CEP85L: variants seen among roughly 807,000 people sequenced by gnomAD.
CEP85L encodes the protein centrosomal protein of 85 kDa-like.
CEP85L carries 60 observed loss-of-function variants against 100.3 expected under a neutral mutation model. That is an observed-to-expected ratio of 0.60 (90% confidence interval 0.49 to 0.74). CEP85L has a LOEUF of 0.74. Ranked by LOEUF, CEP85L falls within the 30% of genes least tolerant of loss-of-function variation. The pLI, the probability that CEP85L is intolerant of heterozygous loss-of-function variation, is 0.00. For synonymous variants in CEP85L, 319 were observed against 322.7 expected, an observed-to-expected ratio of 0.99 and a Z score of 0.12; for missense variants, 973 against 936.2, an observed-to-expected ratio of 1.04 and a Z score of -0.51.
At chr6:118,491,529 A>C (rs1211463652) in intron 6 of CEP85L, 157 bp downstream of exon 6, 1 of 1,375,632 alleles carries the variant, frequency 7.3e-7, no homozygotes, top group African/African-American at 1.5e-5. Flanking sequence ...ATTTCTGCAG[A>C]CAGCAGAGGG....
At chr6:118,514,965 C>T (rs1036972836) in intron 4 of CEP85L, among the ~76,000 whole-genome samples, 4 of 151,542 alleles carry the variant, frequency 2.6e-5, no homozygotes, top group African/African-American at 7.3e-5. Flanking sequence ...CCACTGTGCC[C>T]GGCTAAGTTT....
rs1262868732 is a variant in CEP85L at position 118,464,699 on chromosome 6, A to ACACATTG, written c.*705_*706insCAATGTG. 9.2e-5 allele frequency: 14 copies of ACACATTG among 152,144 alleles called. No individual in the cohort carries two copies. The highest frequency in any genetic ancestry group is 3.1e-4 in the African/African-American group (13 of 41,458). 9.4% of individuals were successfully genotyped at this position (152,144 alleles called of 1,614,324 possible). On this transcript the variant is annotated 3_prime_UTR_variant, in exon 13 of 13. Coordinates refer to ENST00000368491, the MANE Select transcript of CEP85L (RefSeq NM_001042475.3). ...CTTGTAACACATACATTACAATGCT[A>ACACATTG]AGGAAAAAGAGCATCACGTCAAAAT...
chr6:118,591,842 T>A (rs1254835398), intron 2 of CEP85L, among the ~76,000 whole-genome samples: 1 of 152,240 alleles, frequency 6.6e-6, no homozygotes, highest in Non-Finnish European at 1.5e-5. Context: ...GTAACAGAGC[T>A]ATAATGACAT....
At chr6:118,608,939 A>C (rs1772427160) in intron 2 of CEP85L, among the ~76,000 whole-genome samples, 1 of 152,188 alleles carries the variant, frequency 6.6e-6, no homozygotes, top group African/African-American at 2.4e-5. Flanking sequence ...TTTACTCTTA[A>C]ATGCCCATGG....
At chr6:118,492,220 T>G (rs761394965) in intron 5 of CEP85L, among the ~76,000 whole-genome samples, 1 of 152,230 alleles carries the variant, frequency 6.6e-6, no homozygotes, top group Non-Finnish European at 1.5e-5. Context: ...TAGTACAGTA[T>G]ATACATTAAT....
chr6:118,594,892 A>C (rs1364570338), intron 2 of CEP85L, among the ~76,000 whole-genome samples: 2 of 151,900 alleles, frequency 1.3e-5, no homozygotes, highest in East Asian at 3.9e-4. Context: ...AAAAAAAAAA[A>C]ACCTCAAATT....
chr6:118,496,087 A>G (rs1439765525), intron 5 of CEP85L, among the ~76,000 whole-genome samples: 1 of 152,192 alleles, frequency 6.6e-6, no homozygotes, highest in African/African-American at 2.4e-5. Flanking sequence ...CCATAACTGG[A>G]TGTCCTTCTG....
chr6:118,501,582 C>A (rs545887631), intron 5 of CEP85L: 19 of 547,128 alleles, frequency 3.5e-5, no homozygotes, highest in Non-Finnish European at 6.0e-5. Flanking sequence ...GAAGAACTAA[C>A]GGATAACTTC....
At chr6:118,687,841 G>A (rs1475782371) in intron 1 of CEP85L, among the ~76,000 whole-genome samples, 1 of 152,148 alleles carries the variant, frequency 6.6e-6, no homozygotes, top group Non-Finnish European at 1.5e-5. Context: ...ATCCAGCGAG[G>A]TGCCCATTGC....
intron 3 of CEP85L, 88 bp downstream of exon 3, chr6:118,565,441 T>G: frequency 8.0e-7 from 1 of 1,253,458 alleles, no homozygotes; most frequent in East Asian, 2.3e-5. Flanking sequence ...AAACAATCTG[T>G]GAACACTTGT....
chr6:118,654,497 A>T (rs1775708589), upstream of CEP85L, among the ~76,000 whole-genome samples: 1 of 152,252 alleles, frequency 6.6e-6, no homozygotes, highest in Admixed American at 6.5e-5. Flanking sequence ...GATTCCAAGG[A>T]CTAGACAATT....
In CEP85L at chr6:118,632,561, C is replaced by T. The variant is rs1241409268; in HGVS notation, c.124G>A (p.Ala42Thr). 1.2e-6 allele frequency: 2 copies of T among 1,612,874 alleles called. No homozygotes were observed. Among genetic ancestry groups the T allele is most frequent in the Non-Finnish European group, 1.7e-6 (2 of 1,179,624 alleles). ...CGATGGTTAGATGGAACAGTTGTGGCCTGCCACAATGATTCATTAGCAGGT... is the reference window on the plus strand; with the variant it reads ...CGATGGTTAGATGGAACAGTTGTGGTCTGCCACAATGATTCATTAGCAGGT... Reference protein sequence around the residue: ...WLPANESLWQATTVPSNHRNN... With the variant: ...WLPANESLWQTTTVPSNHRNN... Residue 42 changes from alanine (A) to threonine (T), a missense_variant, in exon 2 of 13, where the codon GCC (alanine) becomes ACC (threonine). Coordinates refer to ENST00000368491, the MANE Select transcript of CEP85L (RefSeq NM_001042475.3).
chr6:118,672,467 A>G (rs965119023), intron 1 of CEP85L, among the ~76,000 whole-genome samples: 3 of 152,190 alleles, frequency 2.0e-5, no homozygotes, highest in Non-Finnish European at 2.9e-5. Context: ...AGATACTTGA[A>G]TCTTTAAGAT....
chr6:118,657,947 A>G (rs1012143834), intron 1 of CEP85L, among the ~76,000 whole-genome samples: 5 of 152,228 alleles, frequency 3.3e-5, no homozygotes, highest in Non-Finnish European at 7.3e-5. Context: ...ATTCAATTCA[A>G]TATACTCTGT....
intron 3 of CEP85L, among the ~76,000 whole-genome samples, chr6:118,530,589 G>C (rs977332961): frequency 6.6e-6 from 1 of 152,090 alleles, no homozygotes; most frequent in African/African-American, 2.4e-5. Flanking sequence ...ATTTCTATTT[G>C]CAGACTTTAT....
chr6:118,584,692 A>G (rs761577133), intron 2 of CEP85L, among the ~76,000 whole-genome samples: 19 of 152,220 alleles, frequency 1.2e-4, no homozygotes, highest in Admixed American at 2.6e-4. Flanking sequence ...GTTGGTGGCT[A>G]AAGGATGGCC....
At chr6:118,529,098 G>C (rs1183794235) in intron 3 of CEP85L, among the ~76,000 whole-genome samples, 1 of 152,058 alleles carries the variant, frequency 6.6e-6, no homozygotes, top group Non-Finnish European at 1.5e-5. Context: ...CCTAAACAAA[G>C]GTGGAATAGT....
intron 1 of CEP85L, among the ~76,000 whole-genome samples, chr6:118,648,069 C>T (rs1775316662): frequency 6.6e-6 from 1 of 152,040 alleles, no homozygotes; most frequent in South Asian, 2.1e-4. Context: ...GCATGGCCAA[C>T]ATGGTGAGAC....
chr6:118,502,803 T>C, intron 5 of CEP85L: 1 of 628,670 alleles, frequency 1.6e-6, no homozygotes, highest in Non-Finnish European at 3.0e-6. Context: ...GGTGATATCG[T>C]AAGCATGTAT....
Sources: allele counts gnomAD v4.1 joint callset (sites outside exome capture counted in the v4.1 genomes callset), GRCh38; gene constraint gnomAD v4.1.1; transcripts MANE v1.5; gene names NCBI Gene and HGNC (gene_info 2026-07-23, HGNC 2026-07-21).